Variants in ZNF462 observed in about 807,000 individuals in gnomAD.
ZNF462 encodes zinc finger PBX1-interacting protein.
A neutral mutation model predicts 201.9 loss-of-function variants in ZNF462; 10 were observed. The ratio of observed to expected loss-of-function variants is 0.05; its 90% CI spans 0.03 to 0.08. ZNF462 has a LOEUF of 0.08. Ranked by LOEUF, ZNF462 falls within the 10% of genes least tolerant of loss-of-function variation. ZNF462 has a pLI of 1.00. For missense variants in ZNF462, 2,523 were observed against 3,168.3 expected (o/e 0.80, Z 4.89); for synonymous variants, 1,227 against 1,193.3 (o/e 1.03, Z -0.58).
chr9:106,960,412 T>C (rs151051098), intron 7 of ZNF462, among the ~76,000 whole-genome samples: 132 of 152,184 alleles, frequency 8.7e-4, no homozygotes, highest in Non-Finnish European at 1.3e-3. Context: ...CTAAATACCA[T>C]CTGAGGTTGC....
Position 106,886,409 on chromosome 9 carries a change from A to C in ZNF462, c.-31+23054A>C, listed in dbSNP as rs1828319510. 6.6e-6 allele frequency among the ~76,000 whole-genome samples: 1 copy of C among 152,208 alleles called. No homozygotes were observed. Among genetic ancestry groups the C allele is most frequent in the Non-Finnish European group, 1.5e-5 (1 of 68,046 alleles). ...GTATCCAACTCTCAGGATTCAAGCC[A>C]CTGCATGTTGGCAATGTAGTAGATC... On this transcript the variant is annotated intron_variant, in intron 1 of 12. Coordinates refer to ENST00000277225, the MANE Select transcript of ZNF462 (RefSeq NM_021224.6). The surrounding 1 kb of genome is among the most constrained non-coding windows in gnomAD (Gnocchi z 4.6).
At position 106,938,502 on chromosome 9, in the gene ZNF462, T is replaced by G. The variant is rs1452348355; in HGVS notation, c.6236-414T>G. 6.6e-6 allele frequency among the ~76,000 whole-genome samples: 1 copy of G among 152,200 alleles called. No homozygotes were observed. Among genetic ancestry groups the G allele is most frequent in the East Asian group, 1.9e-4 (1 of 5,196 alleles). On this transcript the variant is annotated intron_variant, in intron 6 of 12. Transcript: ENST00000277225. This position sits in a 1 kb window ranked among gnomAD's most constrained non-coding sequence, Gnocchi z 4.4. ...ACTAATAGATCTTTGGAATAATAAT[T>G]AAGCATGTTATTTTCTGGGACTGAC...
chr9:107,012,027 C>T lies in ZNF462; in HGVS notation c.*997C>T, dbSNP rs573251390. The T allele has an allele frequency of 9.3e-4, 137 of 147,578 alleles. No individual in the cohort carries two copies. Among genetic ancestry groups the T allele is most frequent in the African/African-American group, 3.4e-3 (134 of 39,986 alleles). 9.1% of individuals were successfully genotyped at this position (147,578 alleles called of 1,614,324 possible). ...TGTGTTGTTATTGTTGTTTTAATTT[C>T]GGGGCAAGGGAGATTTAGTTTTTTG... On this transcript the variant is annotated 3_prime_UTR_variant, in exon 13 of 13. Transcript: ENST00000277225.
At chr9:106,893,140 A>ATGTGTTGTG (rs1828662362) in intron 1 of ZNF462, among the ~76,000 whole-genome samples, 1 of 152,234 alleles carries the variant, frequency 6.6e-6, no homozygotes, top group Non-Finnish European at 1.5e-5. Flanking sequence ...ACATTATATA[A>ATGTGTTGTG]ATGTGTTCTT....
At chr9:106,943,676 G>A (rs1286349599) in intron 7 of ZNF462, among the ~76,000 whole-genome samples, 2 of 152,162 alleles carry the variant, frequency 1.3e-5, no homozygotes, top group Non-Finnish European at 2.9e-5. Flanking sequence ...ATTAGTACTT[G>A]CAGATATGCT....
At chr9:106,939,452 A>T (rs1365395202) in intron 7 of ZNF462, among the ~76,000 whole-genome samples, 1 of 152,162 alleles carries the variant, frequency 6.6e-6, no homozygotes. Context: ...GTTTTTATTT[A>T]TATCCTGTCT....
chr9:106,888,398 A>C (rs1828425581), intron 1 of ZNF462, among the ~76,000 whole-genome samples: 1 of 152,160 alleles, frequency 6.6e-6, no homozygotes, highest in African/African-American at 2.4e-5. Context: ...TTATGTACGA[A>C]CTGACAATAC....
chr9:106,943,834 A>T (rs915824259), intron 7 of ZNF462, among the ~76,000 whole-genome samples: 1 of 152,164 alleles, frequency 6.6e-6, no homozygotes, highest in African/African-American at 2.4e-5. Context: ...TTTTAACTCC[A>T]CTAACCAAAT....
At position 106,932,282 on chromosome 9, in the gene ZNF462, C is replaced by A. The variant is rs1564113733; in HGVS notation, c.6013-164C>A. 4 of 1,551,390 alleles carry A rather than the reference C, an allele frequency of 2.6e-6. No homozygotes were observed. Among genetic ancestry groups the A allele is most frequent in the Non-Finnish European group, 2.6e-6 (3 of 1,147,134 alleles). On this transcript the variant is annotated intron_variant, in intron 4 of 12. Coordinates refer to ENST00000277225, the MANE Select transcript of ZNF462 (RefSeq NM_021224.6). This position sits in a 1 kb window ranked among gnomAD's most constrained non-coding sequence, Gnocchi z 6.8. ...TCTTAGCAGGAGGCGGATGACCCTGCCCACTTGTTCCTGGATGGATTGGAA... is the reference window on the plus strand; with the variant it reads ...TCTTAGCAGGAGGCGGATGACCCTGACCACTTGTTCCTGGATGGATTGGAA...
At position 106,978,429 on chromosome 9, in the gene ZNF462, G is replaced by A. The variant is rs988343389; in HGVS notation, c.6832+4156G>A. The stretch of plus-strand genomic sequence containing the variant: ...GGAACTTTAGTCAGTAGACAGATGG[G>A]AAGCCAGGACAAATTCTGATCAGGT... On this transcript the variant is annotated intron_variant, in intron 9 of 12. Transcript: ENST00000277225. This position sits in a 1 kb window ranked among gnomAD's most constrained non-coding sequence, Gnocchi z 4.1. Among the ~76,000 whole-genome samples, 3 of 151,668 alleles carry A rather than the reference G, an allele frequency of 2.0e-5. No individual in the cohort carries two copies. In the South Asian group the frequency reaches 6.2e-4, roughly 31 times the overall value.
chr9:106,899,239 T>TGGG (rs71384992), intron 1 of ZNF462, among the ~76,000 whole-genome samples: 5 of 57,546 alleles, frequency 8.7e-5, no homozygotes, highest in African/African-American at 1.5e-4. Flanking sequence ...TGTGTGTGTG[T>TGGG]GGGGGGGGGG....
intron 10 of ZNF462, among the ~76,000 whole-genome samples, chr9:106,992,175 C>T (rs188881734): frequency 7.0e-4 from 106 of 152,076 alleles, no homozygotes; most frequent in African/African-American, 2.4e-3. Context: ...TAAAAATGAG[C>T]ACAAGATTTG....
At position 106,954,858 on chromosome 9, in the gene ZNF462, C is replaced by T. The variant is rs773431431; in HGVS notation, c.6427+15751C>T. 6.6e-6 allele frequency among the ~76,000 whole-genome samples: 1 copy of T among 152,124 alleles called. No homozygotes were observed. The highest frequency in any genetic ancestry group is 6.6e-5 in the Admixed American group (1 of 15,258). On this transcript the variant is annotated intron_variant, in intron 7 of 12. Coordinates refer to ENST00000277225, the MANE Select transcript of ZNF462 (RefSeq NM_021224.6). This position sits in a 1 kb window ranked among gnomAD's most constrained non-coding sequence, Gnocchi z 4.0. ...TCCATAATATTACCAGGAGGGAGCT[C>T]TTTAGGAGCAGGGTTTTTGTTATTT...
chr9:106,958,040 A>G (rs1437195520), intron 7 of ZNF462, among the ~76,000 whole-genome samples: 1 of 152,164 alleles, frequency 6.6e-6, no homozygotes. Context: ...CAGATGAACA[A>G]TTCTAACCTG....
At position 106,929,005 on chromosome 9, in the gene ZNF462, A is replaced by G. The variant is rs1739467359; in HGVS notation, c.5093A>G (p.Lys1698Arg). The change falls in exon 3 of 13, where the codon AAG (lysine) becomes AGG (arginine). Residue 1698 changes from lysine (K) to arginine (R), a missense_variant. Transcript: ENST00000277225. This position sits in a 1 kb window ranked among gnomAD's most constrained non-coding sequence, Gnocchi z 8.7. ...AQPEGKNNLFKCALCAYTNPI... is the reference protein window; with the variant it reads ...AQPEGKNNLFRCALCAYTNPI... The stretch of plus-strand genomic sequence containing the variant: ...CCAGAAGGCAAGAACAACCTCTTCA[A>G]GTGTGCCCTGTGTGCCTACACCAAC... The G allele has an allele frequency of 3.7e-6, 6 of 1,614,102 alleles. No homozygotes were observed. Among genetic ancestry groups the G allele is most frequent in the Non-Finnish European group, 5.1e-6 (6 of 1,180,034 alleles).
In ZNF462 at chr9:106,864,088, CTCTCTCTCTCTCTCT is replaced by C. The variant is rs1827202254; in HGVS notation, c.-31+734_-31+748del. Among the ~76,000 whole-genome samples the C allele has an allele frequency of 7.4e-5, 10 of 134,478 alleles. No individual in the cohort carries two copies. The South Asian group carries it at 2.3e-3, about 30-fold the overall frequency. 88.2% of individuals were successfully genotyped at this position (134,478 alleles called of 152,430 possible). A position where few individuals can be genotyped will look rare whatever the true frequency, so the allele number is the denominator to read the frequency against. ...TCTCTCTCTCTCTCTCTCTCTCTCT[CTCTCTCTCTCTCTCT>C]CTCTCTCCCTCTCCCCGAAGTTGGG... On this transcript the variant is annotated intron_variant, in intron 1 of 12. Coordinates refer to ENST00000277225, the MANE Select transcript of ZNF462 (RefSeq NM_021224.6).
Position 106,927,264 on chromosome 9 carries a change from C to T in ZNF462, c.3352C>T (p.His1118Tyr). Residue 1118 changes from histidine to tyrosine, a missense_variant, in exon 3 of 13, where the codon CAC (histidine) becomes TAC (tyrosine). This residue lies in a region of ZNF462 where 280 missense variants were observed against 321.3 expected (regional missense o/e 0.87). Coordinates refer to ENST00000277225, the MANE Select transcript of ZNF462 (RefSeq NM_021224.6). The stretch of plus-strand genomic sequence containing the variant: ...CAGTACTGAGCTTTACTACTGCAAA[C>T]ACTGTTCCTACAGCAATCGGTCAGT... ...DLSTELYYCK[H>Y]CSYSNRSVVG... The T allele has an allele frequency of 7.0e-7, 1 of 1,433,860 alleles. No homozygotes were observed. Among genetic ancestry groups the T allele is most frequent in the Non-Finnish European group, 9.4e-7 (1 of 1,069,282 alleles). The allele number at this position is 1,433,860 out of a possible 1,614,324, so 88.8% of individuals were successfully genotyped here. A position where few individuals can be genotyped will look rare whatever the true frequency, so the allele number is the denominator to read the frequency against.
At chr9:106,931,768 G>A (rs149530505) in intron 4 of ZNF462, among the ~76,000 whole-genome samples, 2 of 152,316 alleles carry the variant, frequency 1.3e-5, no homozygotes, top group East Asian at 1.9e-4. Flanking sequence ...CAGTCATAGA[G>A]TGAAGTCACC....
At chr9:106,952,053 G>A (rs1831376141) in intron 7 of ZNF462, among the ~76,000 whole-genome samples, 1 of 152,006 alleles carries the variant, frequency 6.6e-6, no homozygotes, top group African/African-American at 2.4e-5. Flanking sequence ...TTACTTAATG[G>A]TGTACAGATC....
Sources: allele counts gnomAD v4.1 joint callset (sites outside exome capture counted in the v4.1 genomes callset), GRCh38; gene constraint gnomAD v4.1.1; regional missense constraint gnomAD v4.1.1; non-coding constraint Gnocchi (gnomAD v3.1); transcripts MANE v1.5; gene names NCBI Gene and HGNC (gene_info 2026-07-23, HGNC 2026-07-21).